The following PRELID2 variants were observed in gnomAD, a reference collection of about 807,000 sequenced individuals.
PRELID2 encodes the protein PRELI domain-containing protein 2.
In PRELID2, 25 loss-of-function variants were observed where a neutral mutation model predicts 28.4. The ratio of observed to expected loss-of-function variants is 0.88; its 90% confidence interval spans 0.64 to 1.23. The LOEUF (loss-of-function observed/expected upper bound fraction) is 1.23, where lower values mean the gene tolerates loss of function less well. Ranked by LOEUF, PRELID2 falls within the 50% of genes most tolerant of loss-of-function variation. The pLI is 0.00. For missense variants in PRELID2, 201 were observed against 214.4 expected, an observed-to-expected ratio of 0.94 and a Z score of 0.39; for synonymous variants, 76 against 71.6, an observed-to-expected ratio of 1.06 and a Z score of -0.31.
chr5:145,294,988 T>C, the PRELID2 span, among the ~76,000 whole-genome samples: 1 of 152,166 alleles, frequency 6.6e-6, no homozygotes, highest in South Asian at 2.1e-4. Context: ...CACAGCCATT[T>C]TGCTGTGAAT....
intron 1 of PRELID2, among the ~76,000 whole-genome samples, chr5:145,563,857 C>T (rs1272280851): frequency 3.3e-5 from 5 of 152,160 alleles, no homozygotes; most frequent in Non-Finnish European, 7.3e-5. Flanking sequence ...TAATGTACAG[C>T]ATGAGTGCTA....
chr5:145,326,197 G>A, the PRELID2 span, among the ~76,000 whole-genome samples: 1 of 152,190 alleles, frequency 6.6e-6, no homozygotes, highest in South Asian at 2.1e-4. Flanking sequence ...GTAAGGAAGA[G>A]GTCTTGGTAT....
intron 1 of PRELID2, among the ~76,000 whole-genome samples, chr5:145,508,980 C>A (rs1199134647): frequency 4.6e-5 from 7 of 152,126 alleles, no homozygotes; most frequent in Admixed American, 3.9e-4. Flanking sequence ...AGTCCAAATT[C>A]ATAATCATAG....
the PRELID2 span, among the ~76,000 whole-genome samples, chr5:145,361,656 C>G: frequency 2.0e-5 from 3 of 152,138 alleles, no homozygotes; most frequent in Non-Finnish European, 2.9e-5. Context: ...CAACTCCTAC[C>G]TCAACAAGAA....
intron 1 of PRELID2, among the ~76,000 whole-genome samples, chr5:145,559,059 C>T (rs543108438): frequency 6.6e-6 from 1 of 152,022 alleles, no homozygotes; most frequent in Non-Finnish European, 1.5e-5. Flanking sequence ...TCGAGACCAT[C>T]CTGGCTAACA....
intron 1 of PRELID2, among the ~76,000 whole-genome samples, chr5:145,565,397 G>A (rs1434686803): frequency 6.6e-6 from 1 of 152,216 alleles, no homozygotes; most frequent in Non-Finnish European, 1.5e-5. Context: ...CAAACCAAGT[G>A]TCTTTGCTGC....
chr5:145,598,473 AC>A (rs1162274852), intron 1 of PRELID2, among the ~76,000 whole-genome samples: 1 of 152,220 alleles, frequency 6.6e-6, no homozygotes, highest in East Asian at 1.9e-4. Flanking sequence ...TGTTGCCATA[AC>A]AAAAAAATAG....
intron 1 of PRELID2, among the ~76,000 whole-genome samples, chr5:145,606,186 C>G (rs184788232): frequency 6.6e-6 from 1 of 152,206 alleles, no homozygotes; most frequent in African/African-American, 2.4e-5. Flanking sequence ...ATGGGGTTGT[C>G]TAGGTATAGA....
intron 5 of PRELID2, among the ~76,000 whole-genome samples, chr5:145,787,061 T>C (rs1230313328): frequency 2.0e-5 from 3 of 152,192 alleles, no homozygotes; most frequent in Admixed American, 6.5e-5. Flanking sequence ...GAACTAATAA[T>C]GGGGCCTTGC....
the PRELID2 span, among the ~76,000 whole-genome samples, chr5:145,386,280 C>T: frequency 6.6e-6 from 1 of 151,554 alleles, no homozygotes; most frequent in Non-Finnish European, 1.5e-5. Flanking sequence ...GAGGTAACCA[C>T]CCCCATGATT....
the PRELID2 span, among the ~76,000 whole-genome samples, chr5:145,302,967 T>TC: frequency 3.3e-5 from 5 of 152,144 alleles, no homozygotes; most frequent in Non-Finnish European, 5.9e-5. Flanking sequence ...AACACATATC[T>TC]CCTCTACCTG....
chr5:145,685,888 G>A (rs1755028015), intron 1 of PRELID2, among the ~76,000 whole-genome samples: 1 of 152,122 alleles, frequency 6.6e-6, no homozygotes, highest in Non-Finnish European at 1.5e-5. Flanking sequence ...TGAGTTCTGT[G>A]AGGAATCTCC....
chr5:145,355,449 C>T, the PRELID2 span, among the ~76,000 whole-genome samples: 1 of 152,078 alleles, frequency 6.6e-6, no homozygotes, highest in African/African-American at 2.4e-5. Context: ...TTTATTTCCT[C>T]TCATAATAAG....
In PRELID2 at chr5:145,769,781, C is replaced by T. The variant is rs953043220; in HGVS notation, c.475-4781G>A. Among the ~76,000 whole-genome samples, 7 of 152,210 alleles carry T rather than the reference C, an allele frequency of 4.6e-5. No homozygotes were observed. In the South Asian group the frequency reaches 8.3e-4, roughly 18 times the overall value. ...TGTGTAAGGAAGGGCAGGGAAGCTA[C>T]GTGGAACAGGGATGCAGATAAGACA... On this transcript the variant is annotated intron_variant, in intron 5 of 6. Coordinates refer to ENST00000683046, the MANE Select transcript of PRELID2 (RefSeq NM_205846.3).
intron 1 of PRELID2, among the ~76,000 whole-genome samples, chr5:145,696,156 CTTTTTTTT>C (rs10591669): frequency 2.9e-3 from 172 of 60,010 alleles, no homozygotes; most frequent in African/African-American, 7.9e-3. Flanking sequence ...TAAATAATAG[CTTTTTTTT>C]TTTTTTTTTT....
chr5:145,374,080 T>C, the PRELID2 span, among the ~76,000 whole-genome samples: 427 of 151,176 alleles, frequency 2.8e-3, no homozygotes, highest in Non-Finnish European at 4.9e-3. Flanking sequence ...CATAGTGTGA[T>C]TGGTCTTTAT....
At position 145,821,152 on chromosome 5, in the gene PRELID2, G is replaced by GGTGTGTGT. The variant is rs70998038; in HGVS notation, c.134-1142_134-1135dup. On this transcript the variant is annotated intron_variant, in intron 2 of 6. Coordinates refer to ENST00000683046, the MANE Select transcript of PRELID2 (RefSeq NM_205846.3). ...ACCTGATGGTCATCCAACTCTCCTG[G>GGTGTGTGT]GTGTGTGTGTGTGTGTGTGTGTGTG... is the stretch of plus-strand genomic sequence containing the variant. Among the ~76,000 whole-genome samples, 96 of 88,260 alleles carry GGTGTGTGT rather than the reference G, an allele frequency of 1.1e-3. 6 individuals carry two copies. Among genetic ancestry groups the GGTGTGTGT allele is most frequent in the Admixed American group, 3.0e-3 (25 of 8,244 alleles). 57.9% of individuals were successfully genotyped at this position (88,260 alleles called of 152,430 possible).
chr5:145,423,072 C>T, the PRELID2 span, among the ~76,000 whole-genome samples: 1 of 150,830 alleles, frequency 6.6e-6, no homozygotes, highest in Admixed American at 6.6e-5. Context: ...CCCCCACTCT[C>T]TTCTGGCTTG....
intron 1 of PRELID2, among the ~76,000 whole-genome samples, chr5:145,558,156 G>C (rs1227184034): frequency 6.6e-6 from 1 of 152,160 alleles, no homozygotes; most frequent in Non-Finnish European, 1.5e-5. Flanking sequence ...TTTGGTTTCT[G>C]TTCTTAATGG....
Sources: allele counts gnomAD v4.1 joint callset (sites outside exome capture counted in the v4.1 genomes callset), GRCh38; gene constraint gnomAD v4.1.1; transcripts MANE v1.5; gene names NCBI Gene and HGNC (gene_info 2026-07-23, HGNC 2026-07-21).